Variants in FRAS1 observed in about 807,000 individuals in gnomAD.
FRAS1 encodes the protein extracellular matrix organizing protein FRAS1.
FRAS1 carries 290 observed loss-of-function variants against 435.2 expected under a neutral mutation model. The ratio of observed to expected loss-of-function variants is 0.67; its 90% CI spans 0.61 to 0.73. The LOEUF (loss-of-function observed/expected upper bound fraction) is 0.73, where lower values mean the gene tolerates loss of function less well. Ranked by LOEUF, FRAS1 falls within the 30% of genes least tolerant of loss-of-function variation. The pLI, the probability that FRAS1 is intolerant of heterozygous loss-of-function variation, is 0.00. For missense variants in FRAS1, 4,860 were observed against 5,001.5 expected, an observed-to-expected ratio of 0.97 and a Z score of 0.85; for synonymous variants, 1,800 against 1,851.0, an observed-to-expected ratio of 0.97 and a Z score of 0.71.
intron 14 of FRAS1, among the ~76,000 whole-genome samples, chr4:78,299,626 C>T (rs1370035048): frequency 6.6e-6 from 1 of 152,218 alleles, no homozygotes; most frequent in Non-Finnish European, 1.5e-5. Flanking sequence ...TCATCCCCTA[C>T]AGATGTCTTG....
intron 38 of FRAS1, among the ~76,000 whole-genome samples, chr4:78,436,481 C>T (rs1734433649): frequency 6.6e-6 from 1 of 152,140 alleles, no homozygotes; most frequent in Non-Finnish European, 1.5e-5. Context: ...CCAAAAGAAA[C>T]TTTCACATGC....
intron 66 of FRAS1, among the ~76,000 whole-genome samples, chr4:78,517,332 C>T (rs984239511): frequency 6.6e-6 from 1 of 152,182 alleles, no homozygotes; most frequent in African/African-American, 2.4e-5. Flanking sequence ...AAATGCAAAA[C>T]TAAGTGATTT....
intron 2 of FRAS1, among the ~76,000 whole-genome samples, chr4:78,076,035 C>A (rs1426230998): frequency 1.3e-5 from 2 of 152,172 alleles, no homozygotes; most frequent in Non-Finnish European, 2.9e-5. Context: ...CAGAGTCTGT[C>A]AGTACAAACT....
At chr4:78,436,863 G>A (rs895756050) in intron 38 of FRAS1, among the ~76,000 whole-genome samples, 23 of 152,156 alleles carry the variant, frequency 1.5e-4, no homozygotes, top group African/African-American at 5.3e-4. Flanking sequence ...AGGAAGAAGG[G>A]CCACATACAT....
chr4:78,237,466 C>A (rs1724809276), intron 2 of FRAS1, 44 bp from the exon 3 acceptor site: 1 of 1,387,174 alleles, frequency 7.2e-7, no homozygotes, highest in South Asian at 1.2e-5. Flanking sequence ...GTGCTCATAC[C>A]TTGACTGATC....
chr4:78,339,866 A>G (rs2110269163), intron 20 of FRAS1, among the ~76,000 whole-genome samples: 1 of 152,324 alleles, frequency 6.6e-6, no homozygotes, highest in Admixed American at 6.5e-5. Context: ...GAAATCTGCA[A>G]CTTGTATGGA....
rs760387708 is a variant in FRAS1, at chr4:78,387,483, G to A, written c.3757G>A (p.Val1253Ile). Residue 1253 changes from valine to isoleucine, a missense_variant, in exon 29 of 74, where the codon GTC becomes ATC. Val to Ile is a conservative substitution (Grantham distance 29, BLOSUM62 3). Transcript: ENST00000512123. The part of the protein sequence containing the change: ...IRDDDNPQDV[V>I]IEIIDPPLHG... ...AGATGATGACAACCCACAGGATGTG[G>A]TCATTGAAATAATCGATCCTCCACT... The A allele has an allele frequency of 3.1e-6, 5 of 1,613,548 alleles. No homozygotes were observed. The South Asian group carries it at 5.5e-5, about 18-fold the overall frequency.
chr4:78,116,153 T>C (rs1415884801), intron 2 of FRAS1, among the ~76,000 whole-genome samples: 3 of 152,238 alleles, frequency 2.0e-5, no homozygotes, highest in Non-Finnish European at 2.9e-5. Context: ...AGTGAGTGTC[T>C]TAATCCTGAG....
At chr4:78,325,640 G>C (rs1199185155) in intron 18 of FRAS1, among the ~76,000 whole-genome samples, 6 of 152,148 alleles carry the variant, frequency 3.9e-5, no homozygotes, top group African/African-American at 9.7e-5. Context: ...AGGCTTTGGG[G>C]ATAGAAAGAT....
At chr4:78,392,324 C>T (rs1447875101) in intron 29 of FRAS1, among the ~76,000 whole-genome samples, 2 of 152,092 alleles carry the variant, frequency 1.3e-5, no homozygotes, top group African/African-American at 2.4e-5. Flanking sequence ...ATTATAAGGT[C>T]ACTGTTACAT....
rs145235099 is a variant in FRAS1, at chr4:78,186,317, G to A, written c.109-51193G>A. On this transcript the variant is annotated intron_variant, in intron 2 of 73. Transcript: ENST00000512123. ...AGCCTGGGCCAGAGAATACTAAATG[G>A]TGATCAGTTATCAGGGATATCTATT... Among the ~76,000 whole-genome samples the A allele has an allele frequency of 1.4e-4, 22 of 152,060 alleles. No individual in the cohort carries two copies. The East Asian group carries it at 4.3e-3, about 29-fold the overall frequency.
At chr4:78,273,330 G>T (rs1051246856) in intron 9 of FRAS1, among the ~76,000 whole-genome samples, 12 of 152,094 alleles carry the variant, frequency 7.9e-5, no homozygotes, top group Non-Finnish European at 1.8e-4. Context: ...GATTGCCCTG[G>T]TCAGAACTTC....
intron 2 of FRAS1, among the ~76,000 whole-genome samples, chr4:78,109,961 C>G (rs1480548265): frequency 6.1e-5 from 1 of 16,498 alleles, no homozygotes; most frequent in Non-Finnish European, 1.2e-4. Context: ...CAACAACAGA[C>G]AAACAGAGAG....
At chr4:78,238,099 G>GA (rs1454046392) in intron 3 of FRAS1, among the ~76,000 whole-genome samples, 1 of 152,032 alleles carries the variant, frequency 6.6e-6, no homozygotes, top group African/African-American at 2.4e-5. Flanking sequence ...CTGACTTATT[G>GA]AAAAAGATTT....
rs1489144331 is a variant in FRAS1, at chr4:78,106,154, G to A, written c.108+40138G>A. 3.7e-4 allele frequency among the ~76,000 whole-genome samples: 37 copies of A among 99,188 alleles called. 1 individual carries two copies. Among genetic ancestry groups the A allele is most frequent in the South Asian group, 1.3e-3 (4 of 2,998 alleles). The allele number at this position is 99,188 out of a possible 152,430, so 65.1% of individuals were successfully genotyped here. ...GCAGTCTGAGATCAAACTGCAAGGCGGCAACTAGGCTGGGGGAGGGGCGCC... is the reference window on the plus strand; with the variant it reads ...GCAGTCTGAGATCAAACTGCAAGGCAGCAACTAGGCTGGGGGAGGGGCGCC... On this transcript the variant is annotated intron_variant, in intron 2 of 73. Coordinates refer to ENST00000512123, the MANE Select transcript of FRAS1 (RefSeq NM_025074.7).
At chr4:78,186,658 A>C (rs1372968548) in intron 2 of FRAS1, among the ~76,000 whole-genome samples, 1 of 152,188 alleles carries the variant, frequency 6.6e-6, no homozygotes, top group African/African-American at 2.4e-5. Context: ...TTGCAGCTGT[A>C]TTCTTCAATG....
intron 2 of FRAS1, among the ~76,000 whole-genome samples, chr4:78,116,053 G>T (rs1254990436): frequency 1.3e-5 from 2 of 152,154 alleles, no homozygotes; most frequent in South Asian, 2.1e-4. Context: ...TGGTTTCAAA[G>T]AACATCTTTA....
intron 38 of FRAS1, among the ~76,000 whole-genome samples, chr4:78,433,401 T>C (rs1734288267): frequency 6.6e-6 from 1 of 152,238 alleles, no homozygotes; most frequent in African/African-American, 2.4e-5. Context: ...GCTAATCATA[T>C]TGAATTTTTC....
chr4:78,151,220 G>A (rs181736105), intron 2 of FRAS1, among the ~76,000 whole-genome samples: 1 of 152,134 alleles, frequency 6.6e-6, no homozygotes, highest in Non-Finnish European at 1.5e-5. Flanking sequence ...GTCAAAGCTG[G>A]AGCCAACTTT....
Sources: gnomAD v4.1 joint callset for allele counts (sites outside exome capture counted in the v4.1 genomes callset) on GRCh38, gnomAD v4.1.1 for gene constraint, MANE v1.5 for transcripts, NCBI Gene and HGNC (gene_info 2026-07-23, HGNC 2026-07-21) for gene names.